TRABD2B: variants seen among roughly 807,000 people sequenced by gnomAD.
TRABD2B encodes the protein metalloprotease TIKI2.
In TRABD2B, 14 loss-of-function variants were observed where a neutral mutation model predicts 40.1. That is an observed-to-expected ratio of 0.35 (90% CI 0.23 to 0.55). The LOEUF (loss-of-function observed/expected upper bound fraction) is 0.55. Ranked by LOEUF, TRABD2B falls within the 20% of genes least tolerant of loss-of-function variation. The probability of loss-of-function intolerance (pLI) is 0.90; values close to 1 mark genes in which losing one functional copy is unlikely to be tolerated. For missense variants in TRABD2B, 541 were observed against 648.6 expected (o/e 0.83, Z 1.80); for synonymous variants, 263 against 277.0 (o/e 0.95, Z 0.50).
intron 2 of TRABD2B, among the ~76,000 whole-genome samples, chr1:47,943,763 C>CAT (rs1645220370): frequency 1.4e-5 from 1 of 73,188 alleles, no homozygotes; most frequent in Non-Finnish European, 2.9e-5. Flanking sequence ...AGAAAACACA[C>CAT]ACACACACAC....
In TRABD2B at chr1:47,765,704, G is replaced by T. The variant is rs932094924; in HGVS notation, c.*198C>A. On this transcript the variant is annotated 3_prime_UTR_variant, in exon 7 of 7. Coordinates refer to ENST00000606738, the MANE Select transcript of TRABD2B (RefSeq NM_001194986.2). ...ACGTATTTTACAAAAGAGCCCCATA[G>T]CACTATGGGAAATTAAGATCCTTCT... The T allele has an allele frequency of 9.7e-6, 6 of 616,084 alleles. No individual in the cohort carries two copies. In the African/African-American group the frequency reaches 1.1e-4, roughly 11 times the overall value. 38.2% of individuals were successfully genotyped at this position (616,084 alleles called of 1,614,324 possible). A position where few individuals can be genotyped will look rare whatever the true frequency, so the allele number is the denominator to read the frequency against.
At chr1:47,920,740 G>C (rs1194494766) in intron 2 of TRABD2B, among the ~76,000 whole-genome samples, 1 of 152,208 alleles carries the variant, frequency 6.6e-6, no homozygotes, top group Non-Finnish European at 1.5e-5. Context: ...TTTCCTTATT[G>C]GTGTTTCTAC....
At chr1:47,831,431 G>A (rs916107509) in intron 2 of TRABD2B, among the ~76,000 whole-genome samples, 2 of 152,126 alleles carry the variant, frequency 1.3e-5, no homozygotes, top group African/African-American at 2.4e-5. Flanking sequence ...CAGTGTGAAC[G>A]TCTTTTGTGT....
At chr1:47,923,791 A>G (rs1252014851) in intron 2 of TRABD2B, among the ~76,000 whole-genome samples, 2 of 151,870 alleles carry the variant, frequency 1.3e-5, no homozygotes, top group Non-Finnish European at 2.9e-5. Context: ...ATAACCTTGG[A>G]CTCTTCCCTA....
intron 2 of TRABD2B, among the ~76,000 whole-genome samples, chr1:47,851,226 C>G (rs1645545760): frequency 6.6e-6 from 1 of 152,238 alleles, no homozygotes; most frequent in African/African-American, 2.4e-5. Flanking sequence ...GACTCTGCTG[C>G]ACACTCATGA....
Position 47,760,673 on chromosome 1 carries a change from AAG to A in TRABD2B, c.*5227_*5228del, listed in dbSNP as rs1644234512. On this transcript the variant is annotated 3_prime_UTR_variant, in exon 7 of 7. Coordinates refer to ENST00000606738, the MANE Select transcript of TRABD2B (RefSeq NM_001194986.2). ...CACAGAGGTGAGGGGCAGAGGTGAT[AAG>A]AGAACAACATCATGAATACCTTTCA... 1 of 152,240 alleles carries A rather than the reference AAG, an allele frequency of 6.6e-6. No individual in the cohort carries two copies. Among genetic ancestry groups the A allele is most frequent in the Admixed American group, 6.5e-5 (1 of 15,286 alleles). 9.4% of individuals were successfully genotyped at this position (152,240 alleles called of 1,614,324 possible).
intron 2 of TRABD2B, among the ~76,000 whole-genome samples, chr1:47,961,220 A>G (rs1330816024): frequency 1.8e-4 from 27 of 152,268 alleles, no homozygotes. Context: ...TTCAAGATGG[A>G]TTAAAGACTT....
At chr1:47,767,240 G>C (rs1644317079) in intron 6 of TRABD2B, among the ~76,000 whole-genome samples, 1 of 152,190 alleles carries the variant, frequency 6.6e-6, no homozygotes, top group Non-Finnish European at 1.5e-5. Context: ...ACCCTGAGCA[G>C]GCAGGAGGCA....
At chr1:47,865,175 T>A (rs1195834634) in intron 2 of TRABD2B, among the ~76,000 whole-genome samples, 1 of 152,194 alleles carries the variant, frequency 6.6e-6, no homozygotes, top group Non-Finnish European at 1.5e-5. Context: ...CAACACTTCT[T>A]TGGGAGGTCA....
intron 2 of TRABD2B, among the ~76,000 whole-genome samples, chr1:47,927,807 T>C (rs1644989541): frequency 6.6e-6 from 1 of 152,214 alleles, no homozygotes; most frequent in African/African-American, 2.4e-5. Flanking sequence ...CCCTGATCTT[T>C]GCATAGAAAC....
intron 2 of TRABD2B, among the ~76,000 whole-genome samples, chr1:47,864,602 A>G (rs1644028066): frequency 6.6e-6 from 1 of 152,114 alleles, no homozygotes; most frequent in Admixed American, 6.5e-5. Context: ...AAGTAGCCTT[A>G]GTTTGCTTCT....
At chr1:47,790,179 T>C (rs1221946855) in intron 4 of TRABD2B, among the ~76,000 whole-genome samples, 1 of 152,228 alleles carries the variant, frequency 6.6e-6, no homozygotes, top group Non-Finnish European at 1.5e-5. Flanking sequence ...TTTCTGTTAA[T>C]TGTACCAGAG....
intron 2 of TRABD2B, among the ~76,000 whole-genome samples, chr1:47,826,267 A>G (rs1645172613): frequency 6.6e-6 from 1 of 152,180 alleles, no homozygotes; most frequent in Non-Finnish European, 1.5e-5. Context: ...TTCTAATTTT[A>G]CCATTGTGTT....
chr1:47,798,847 C>G (rs1003888265), intron 3 of TRABD2B, among the ~76,000 whole-genome samples: 1 of 152,194 alleles, frequency 6.6e-6, no homozygotes, highest in South Asian at 2.1e-4. Flanking sequence ...AGACACAGCC[C>G]CACCTCCAAC....
intron 2 of TRABD2B, among the ~76,000 whole-genome samples, chr1:47,854,987 G>GTT (rs2124534042): frequency 6.6e-6 from 1 of 152,242 alleles, no homozygotes; most frequent in East Asian, 1.9e-4. Context: ...GTGAAATGAG[G>GTT]GTAATAGGCC....
intron 2 of TRABD2B, among the ~76,000 whole-genome samples, chr1:47,816,964 T>A (rs936317779): frequency 6.6e-6 from 1 of 152,148 alleles, no homozygotes; most frequent in Admixed American, 6.5e-5. Flanking sequence ...CAAACAGTCA[T>A]CTACCGACTT....
chr1:47,796,000 T>G (rs999755280), intron 3 of TRABD2B, among the ~76,000 whole-genome samples: 66 of 152,148 alleles, frequency 4.3e-4, no homozygotes, highest in African/African-American at 1.5e-3. Context: ...CTTTTGTCAT[T>G]CCTGGCCCCC....
chr1:47,860,635 G>A (rs773162667), intron 2 of TRABD2B, among the ~76,000 whole-genome samples: 3 of 152,208 alleles, frequency 2.0e-5, no homozygotes, highest in Non-Finnish European at 4.4e-5. Flanking sequence ...AATGTGGTTT[G>A]TCTTTGCCGA....
intron 2 of TRABD2B, among the ~76,000 whole-genome samples, chr1:47,921,123 T>C (rs1644896188): frequency 6.6e-6 from 1 of 152,214 alleles, no homozygotes; most frequent in East Asian, 1.9e-4. Flanking sequence ...CAGAATTTGA[T>C]CTGTGCTTGG....
Sources: gnomAD v4.1 joint callset for allele counts (sites outside exome capture counted in the v4.1 genomes callset) on GRCh38, gnomAD v4.1.1 for gene constraint, MANE v1.5 for transcripts, NCBI Gene and HGNC (gene_info 2026-07-23, HGNC 2026-07-21) for gene names.